RASAL2: variants seen among roughly 807,000 people sequenced by gnomAD.
RASAL2 encodes the protein RAS protein activator like 2.
A neutral mutation model predicts 128.9 loss-of-function variants in RASAL2; 58 were observed. The ratio of observed to expected loss-of-function variants is 0.45; its 90% CI spans 0.36 to 0.56. The LOEUF (loss-of-function observed/expected upper bound fraction) is 0.56. RASAL2 is among the 20% of genes least tolerant of loss of function. RASAL2 has a pLI of 0.00. For missense variants in RASAL2, 1,360 were observed against 1,601.6 expected, an observed-to-expected ratio of 0.85 and a Z score of 2.57; for synonymous variants, 561 against 580.8, an observed-to-expected ratio of 0.97 and a Z score of 0.49.
At chr1:178,115,503 A>T (rs2102258915) in intron 1 of RASAL2, among the ~76,000 whole-genome samples, 1 of 152,350 alleles carries the variant, frequency 6.6e-6, no homozygotes, top group East Asian at 1.9e-4. Flanking sequence ...AGTGGGAGTT[A>T]GTAGTGGGTG....
chr1:178,320,567 C>T (rs900084064), intron 3 of RASAL2, among the ~76,000 whole-genome samples: 9 of 152,140 alleles, frequency 5.9e-5, no homozygotes, highest in African/African-American at 1.9e-4. Flanking sequence ...CAGGTGCGTC[C>T]GTCACCCCTT....
At position 178,473,170 on chromosome 1, in the gene RASAL2, C is replaced by T; in HGVS notation, c.3774C>T (p.Gly1258=). 2 of 1,614,180 alleles carry T rather than the reference C, an allele frequency of 1.2e-6. No homozygotes were observed. The highest frequency in any genetic ancestry group is 1.7e-6 in the Non-Finnish European group (2 of 1,180,036). Reference sequence around the variant, plus strand: ...GGTACAGCATGCAGGTCCGCAATGGCATCTCCCCCACCAACCCCACCAAGC... The same window carrying T: ...GGTACAGCATGCAGGTCCGCAATGGTATCTCCCCCACCAACCCCACCAAGC... ...KERYSMQVRN[G]ISPTNPTKLS... Residue 1258 remains glycine, a synonymous_variant, in exon 18 of 18, where the codon GGC becomes GGT. Transcript: ENST00000367649.
intron 3 of RASAL2, among the ~76,000 whole-genome samples, chr1:178,319,006 C>T (rs138153013): frequency 0.066 from 10,067 of 152,102 alleles, 1,072 homozygotes; most frequent in African/African-American, 0.22. Flanking sequence ...CAAAATCAGT[C>T]AGCATTTGCT....
At chr1:178,321,075 A>G (rs968489683) in intron 3 of RASAL2, among the ~76,000 whole-genome samples, 5 of 152,088 alleles carry the variant, frequency 3.3e-5, no homozygotes, top group Admixed American at 6.6e-5. Context: ...TCTGTGCACA[A>G]TAATTTTTTA....
intron 17 of RASAL2, among the ~76,000 whole-genome samples, chr1:178,470,411 C>G (rs1157482872): frequency 6.6e-6 from 1 of 152,196 alleles, no homozygotes; most frequent in Non-Finnish European, 1.5e-5. Context: ...ACAGGAACTG[C>G]AAAAGGATGA....
intron 2 of RASAL2, among the ~76,000 whole-genome samples, chr1:178,284,993 TCCTTCTCTTACCTATC>T (rs574532558): frequency 1.3e-5 from 2 of 152,198 alleles, no homozygotes; most frequent in South Asian, 4.1e-4. Flanking sequence ...CCTTCCCTGT[TCCTTCTCTTACCTATC>T]CCTTCTCTTT....
intron 3 of RASAL2, among the ~76,000 whole-genome samples, chr1:178,339,457 A>C (rs891744864): frequency 6.6e-6 from 1 of 152,194 alleles, no homozygotes; most frequent in Non-Finnish European, 1.5e-5. Context: ...CTGGAGAAGC[A>C]CGAGTAAATG....
intron 17 of RASAL2, among the ~76,000 whole-genome samples, chr1:178,469,917 T>C (rs1328714676): frequency 6.6e-6 from 1 of 152,214 alleles, no homozygotes; most frequent in Non-Finnish European, 1.5e-5. Context: ...CACTAAACTA[T>C]ATTTGGAAAA....
At chr1:178,098,928 G>A (rs747247666) in intron 1 of RASAL2, among the ~76,000 whole-genome samples, 8 of 152,146 alleles carry the variant, frequency 5.3e-5, no homozygotes, top group Admixed American at 1.3e-4. Flanking sequence ...CAGAAATGTG[G>A]CAGTGGGAAT....
rs1240752422 is a variant in RASAL2 at position 178,289,772 on chromosome 1, C to A, written c.330+6081C>A. On this transcript the variant is annotated intron_variant, in intron 2 of 17. Transcript: ENST00000367649. ...TCCATTAATGACAACTCCATCCTTC[C>A]AAGTTTCAAAGGCCAAAAGCTTCCC... Among the ~76,000 whole-genome samples, 4 of 152,168 alleles carry A rather than the reference C, an allele frequency of 2.6e-5. 1 individual carries two copies. Among genetic ancestry groups the A allele is most frequent in the Non-Finnish European group, 5.9e-5 (4 of 68,032 alleles).
rs74131334 is a variant in RASAL2 at position 178,378,304 on chromosome 1, A to G, written c.458-11796A>G. 5.5e-3 allele frequency among the ~76,000 whole-genome samples: 843 copies of G among 152,214 alleles called. 11 individuals carry two copies. The highest frequency in any genetic ancestry group is 0.019 in the African/African-American group (788 of 41,550). ...CCCTAAATAATGATAAAATATAAAA[A>G]TCACTAGGAAGACATAACAATCTTA... On this transcript the variant is annotated intron_variant, in intron 3 of 17. Transcript: ENST00000367649.
chr1:178,104,683 C>A (rs1414115930), intron 1 of RASAL2, among the ~76,000 whole-genome samples: 1 of 152,096 alleles, frequency 6.6e-6, no homozygotes, highest in Admixed American at 6.5e-5. Flanking sequence ...GTATTAAAAT[C>A]TTTTTACATA....
At chr1:178,210,422 T>A (rs965234558) in intron 1 of RASAL2, among the ~76,000 whole-genome samples, 1 of 152,234 alleles carries the variant, frequency 6.6e-6, no homozygotes. Context: ...GGGACTTCCT[T>A]ATCTTTGATT....
intron 4 of RASAL2, among the ~76,000 whole-genome samples, chr1:178,397,742 A>C (rs1673333107): frequency 6.6e-6 from 1 of 151,316 alleles, no homozygotes; most frequent in Admixed American, 6.6e-5. Context: ...TGAAGCTGGA[A>C]CCACAAGCGC....
intron 1 of RASAL2, among the ~76,000 whole-genome samples, chr1:178,135,500 A>T (rs2102316328): frequency 6.7e-6 from 1 of 149,586 alleles, no homozygotes; most frequent in African/African-American, 2.5e-5. Flanking sequence ...TCTTCATAAA[A>T]AAAAAAAAAA....
chr1:178,472,779 T>C (rs1484923768), intron 17 of RASAL2, among the ~76,000 whole-genome samples: 1 of 152,218 alleles, frequency 6.6e-6, no homozygotes, highest in East Asian at 1.9e-4. Flanking sequence ...TTGCATAGTC[T>C]GAGGTAACAC....
chr1:178,389,019 C>T (rs925920272), intron 3 of RASAL2, among the ~76,000 whole-genome samples: 1 of 152,118 alleles, frequency 6.6e-6, no homozygotes, highest in Non-Finnish European at 1.5e-5. Context: ...AGAGAAAAAA[C>T]GCTCTCTCTT....
intron 1 of RASAL2, among the ~76,000 whole-genome samples, chr1:178,198,143 A>G (rs933576911): frequency 6.6e-6 from 1 of 152,204 alleles, no homozygotes; most frequent in Non-Finnish European, 1.5e-5. Context: ...TCTTGTGAAT[A>G]GTGCCACAAT....
intron 5 of RASAL2, among the ~76,000 whole-genome samples, chr1:178,424,614 A>G (rs938532035): frequency 1.3e-5 from 2 of 152,064 alleles, no homozygotes; most frequent in Admixed American, 6.6e-5. Flanking sequence ...GCCACACACT[A>G]CCATCCCTGG....
Sources: allele counts gnomAD v4.1 joint callset (sites outside exome capture counted in the v4.1 genomes callset), GRCh38; gene constraint gnomAD v4.1.1; transcripts MANE v1.5; gene names NCBI Gene and HGNC (gene_info 2026-07-23, HGNC 2026-07-21).